GRIP1: variants seen among roughly 807,000 people sequenced by gnomAD.
GRIP1 encodes the protein glutamate receptor-interacting protein 1.
In GRIP1, 45 loss-of-function variants were observed where a neutral mutation model predicts 129.9. That is an observed-to-expected ratio of 0.35 (90% confidence interval 0.27 to 0.44). The LOEUF (loss-of-function observed/expected upper bound fraction) is 0.44. Among genes scored for constraint, GRIP1 ranks in the 20% least tolerant of loss-of-function variants. The probability of loss-of-function intolerance (pLI) is 1.00; values close to 1 mark genes in which losing one functional copy is unlikely to be tolerated. For missense variants in GRIP1, 1,196 were observed against 1,396.8 expected (o/e 0.86, Z 2.29); for synonymous variants, 530 against 520.8 (o/e 1.02, Z -0.24).
At chr12:66,386,577 T>C (rs937758514) in intron 19 of GRIP1, among the ~76,000 whole-genome samples, 10 of 151,894 alleles carry the variant, frequency 6.6e-5, no homozygotes, top group Non-Finnish European at 1.3e-4. Flanking sequence ...GAGCTTACAG[T>C]GAGCTGAGAT....
intron 1 of GRIP1, among the ~76,000 whole-genome samples, chr12:67,051,936 A>G (rs1302170637): frequency 6.6e-6 from 1 of 152,214 alleles, no homozygotes; most frequent in Non-Finnish European, 1.5e-5. Context: ...CTCACATTGC[A>G]CAAAGCTATT....
intron 1 of GRIP1, among the ~76,000 whole-genome samples, chr12:66,961,180 G>A (rs548472787): frequency 6.6e-6 from 1 of 152,182 alleles, no homozygotes; most frequent in Admixed American, 6.5e-5. Context: ...ACCAGCACTT[G>A]GCACTGTTTG....
chr12:66,619,415 G>A (rs569823794), intron 1 of GRIP1, among the ~76,000 whole-genome samples: 44 of 152,176 alleles, frequency 2.9e-4, no homozygotes, highest in African/African-American at 1.0e-3. Context: ...GAGCCATTAC[G>A]GGTAGATTTC....
At chr12:66,545,925 C>T (rs909105010) in intron 2 of GRIP1, among the ~76,000 whole-genome samples, 7 of 151,976 alleles carry the variant, frequency 4.6e-5, no homozygotes, top group African/African-American at 1.7e-4. Flanking sequence ...CTAAAAAATG[C>T]TGTTGAAAGA....
chr12:67,057,229 T>C (rs2043452107), intron 1 of GRIP1, among the ~76,000 whole-genome samples: 1 of 152,072 alleles, frequency 6.6e-6, no homozygotes, highest in Admixed American at 6.5e-5. Context: ...AATGAAGTCA[T>C]AAGGGTGTGC....
In GRIP1 at chr12:66,453,911, G is replaced by A. The variant is rs114135379; in HGVS notation, c.1354+1498C>T. Among the ~76,000 whole-genome samples, 363 of 152,276 alleles carry A rather than the reference G, an allele frequency of 2.4e-3. 3 individuals carry two copies. Among genetic ancestry groups the A allele is most frequent in the African/African-American group, 8.3e-3 (346 of 41,556 alleles). Reference sequence around the variant, plus strand: ...TGCATTCAACTAGTTTCTTCCAAGAGTAAATAATTTACTCTAGTGTCAGCT... The same window carrying A: ...TGCATTCAACTAGTTTCTTCCAAGAATAAATAATTTACTCTAGTGTCAGCT... On this transcript the variant is annotated intron_variant, in intron 11 of 24. Coordinates refer to ENST00000359742, the MANE Select transcript of GRIP1 (RefSeq NM_001366722.1).
At chr12:66,800,949 A>C (rs537415374) in intron 1 of GRIP1, among the ~76,000 whole-genome samples, 1 of 152,256 alleles carries the variant, frequency 6.6e-6, no homozygotes, top group South Asian at 2.1e-4. Flanking sequence ...CTTAATATTC[A>C]GTGATAGATT....
chr12:66,452,629 A>G (rs1232210566), intron 11 of GRIP1, among the ~76,000 whole-genome samples: 2 of 152,260 alleles, frequency 1.3e-5, no homozygotes, highest in East Asian at 1.9e-4. Flanking sequence ...ACTTTTTGCC[A>G]TGATTCACCA....
intron 1 of GRIP1, among the ~76,000 whole-genome samples, chr12:66,843,330 GAATTGAATATGAGAATGA>G (rs1159534708): frequency 2.6e-5 from 4 of 152,058 alleles, no homozygotes; most frequent in African/African-American, 9.7e-5. Context: ...TCATATTCAT[GAATTGAATATGAGAATGA>G]AATTGAATGT....
upstream of GRIP1, among the ~76,000 whole-genome samples, chr12:66,807,618 G>A (rs1010008744): frequency 2.0e-5 from 3 of 152,014 alleles, no homozygotes; most frequent in Non-Finnish European, 2.9e-5. Flanking sequence ...AGCTTGCAGT[G>A]AGTAGAGACC....
At chr12:66,923,802 C>T (rs1456946193) in intron 1 of GRIP1, among the ~76,000 whole-genome samples, 1 of 151,990 alleles carries the variant, frequency 6.6e-6, no homozygotes, top group Non-Finnish European at 1.5e-5. Context: ...TATTTATACT[C>T]CCTGAGCTTT....
At chr12:66,785,349 T>C (rs755795684) in intron 1 of GRIP1, among the ~76,000 whole-genome samples, 11 of 135,966 alleles carry the variant, frequency 8.1e-5, no homozygotes, top group East Asian at 6.4e-4. Flanking sequence ...CATACATATA[T>C]ATATATATAT....
chr12:66,651,727 T>C lies in GRIP1; in HGVS notation c.55+27123A>G, dbSNP rs551697796. On this transcript the variant is annotated intron_variant, in intron 1 of 24. Transcript: ENST00000359742. ...TGGGTAATGAGGAAAAAAAATTCAT[T>C]TGCTTGGGGAAAATCTCTATGGACC... 5.3e-5 allele frequency among the ~76,000 whole-genome samples: 8 copies of C among 152,230 alleles called. No individual in the cohort carries two copies. In the South Asian group the frequency reaches 1.0e-3, roughly 20 times the overall value.
At chr12:66,944,704 G>C (rs1393973018) in intron 1 of GRIP1, among the ~76,000 whole-genome samples, 1 of 152,172 alleles carries the variant, frequency 6.6e-6, no homozygotes, top group Non-Finnish European at 1.5e-5. Context: ...CAGAGCCCAG[G>C]AAGTCACTCA....
chr12:66,502,820 C>T (rs192047243), intron 7 of GRIP1, among the ~76,000 whole-genome samples: 1 of 152,230 alleles, frequency 6.6e-6, no homozygotes, highest in African/African-American at 2.4e-5. Context: ...TTATAAATTA[C>T]CCAGTCTCAG....
intron 7 of GRIP1, among the ~76,000 whole-genome samples, chr12:66,485,476 T>C (rs1009956476): frequency 5.9e-5 from 9 of 151,762 alleles, no homozygotes; most frequent in African/African-American, 2.2e-4. Flanking sequence ...ATATATATTC[T>C]AGTATGAGTC....
chr12:66,413,809 A>C (rs1186228074), intron 15 of GRIP1, among the ~76,000 whole-genome samples: 2 of 152,190 alleles, frequency 1.3e-5, no homozygotes, highest in South Asian at 4.1e-4. Context: ...CAAAACAATA[A>C]ATGTGATTCA....
intron 9 of GRIP1, among the ~76,000 whole-genome samples, chr12:66,461,180 G>T (rs1419809361): frequency 7.2e-6 from 1 of 138,726 alleles, no homozygotes; most frequent in Non-Finnish European, 1.6e-5. Context: ...AATATTCCAT[G>T]AGTTGAAAAC....
In GRIP1 at chr12:66,587,612, G is replaced by T. The variant is rs2063689791; in HGVS notation, c.136+9235C>A. On this transcript the variant is annotated intron_variant, in intron 2 of 24. Coordinates refer to ENST00000359742, the MANE Select transcript of GRIP1 (RefSeq NM_001366722.1). ...GTGACTGCTCAACGAGTAACTGTTG[G>T]ATAATTACATGTTGAATGAATGTAT... Among the ~76,000 whole-genome samples the T allele has an allele frequency of 2.0e-5, 3 of 152,204 alleles. No individual in the cohort carries two copies. In the South Asian group the frequency reaches 6.2e-4, roughly 31 times the overall value.
Sources: allele counts gnomAD v4.1 joint callset (sites outside exome capture counted in the v4.1 genomes callset), GRCh38; gene constraint gnomAD v4.1.1; transcripts MANE v1.5; gene names NCBI Gene and HGNC (gene_info 2026-07-23, HGNC 2026-07-21).